Variants in ADCY3 observed in about 807,000 individuals in gnomAD.
ADCY3 encodes the protein adenylate cyclase type 3.
ADCY3 carries 70 observed loss-of-function variants against 119.4 expected under a neutral mutation model. The ratio of observed to expected loss-of-function variants is 0.59; its 90% CI spans 0.48 to 0.72. The LOEUF is 0.72. Ranked by LOEUF, ADCY3 falls within the 30% of genes least tolerant of loss-of-function variation. The pLI is 0.00. For missense variants in ADCY3, 1,238 were observed against 1,541.6 expected (o/e 0.80, Z 3.30); for synonymous variants, 672 against 621.4 (o/e 1.08, Z -1.21).
rs183257619 is a variant in ADCY3 at position 24,874,277 on chromosome 2, C to T, written c.676-1558G>A. Among the ~76,000 whole-genome samples the T allele has an allele frequency of 3.4e-3, 516 of 151,896 alleles. 2 individuals carry two copies. The highest frequency in any genetic ancestry group is 0.012 in the African/African-American group (491 of 41,390). On this transcript the variant is annotated intron_variant, in intron 2 of 21. Coordinates refer to ENST00000679454, the MANE Select transcript of ADCY3 (RefSeq NM_004036.5). ...GGTGTAGATTCCCAAGCTCTGCTGG[C>T]GTCTGGTTCCAGCTTGTAATGACCT... is the stretch of plus-strand genomic sequence containing the variant.
intron 16 of ADCY3, among the ~76,000 whole-genome samples, chr2:24,825,279 T>C (rs967688314): frequency 1.3e-5 from 2 of 149,978 alleles, no homozygotes; most frequent in African/African-American, 4.9e-5. Context: ...GATCTTTCTC[T>C]TCCCTCTCTT....
intron 3 of ADCY3, among the ~76,000 whole-genome samples, chr2:24,843,650 C>T (rs914582504): frequency 2.0e-5 from 3 of 152,192 alleles, no homozygotes; most frequent in East Asian, 1.9e-4. Flanking sequence ...GTGGCTTGGG[C>T]GGTGCCGGTC....
rs1558528929 is a variant in ADCY3 at position 24,912,586 on chromosome 2, CATGTGTGTGT to C, written c.675+5717_675+5726del. Among the ~76,000 whole-genome samples the C allele has an allele frequency of 1.4e-4, 14 of 102,016 alleles. 1 individual carries two copies. Among genetic ancestry groups the C allele is most frequent in the Admixed American group, 2.8e-4 (3 of 10,822 alleles). 66.9% of individuals were successfully genotyped at this position (102,016 alleles called of 152,430 possible). A position where few individuals can be genotyped will look rare whatever the true frequency, so the allele number is the denominator to read the frequency against. On this transcript the variant is annotated intron_variant, in intron 2 of 21. Transcript: ENST00000679454. The stretch of plus-strand genomic sequence containing the variant: ...GTGTGTGCATGTGTGTGTGTGTGTG[CATGTGTGTGT>C]GTGTGTGCATGTGTGTGTGTGTGTG...
chr2:24,821,350 AGTC>A, intron 20 of ADCY3, 164 bp downstream of exon 20: 2 of 978,302 alleles, frequency 2.0e-6, no homozygotes, highest in Admixed American at 2.5e-5. Flanking sequence ...AGTCATCTAG[AGTC>A]GTCTGGACTA....
At chr2:24,888,336 T>G (rs925321370) in intron 2 of ADCY3, among the ~76,000 whole-genome samples, 1 of 152,226 alleles carries the variant, frequency 6.6e-6, no homozygotes, top group Admixed American at 6.5e-5. Context: ...GCCACCCAGC[T>G]GGACGGCTCA....
chr2:24,903,698 G>C (rs1242485260), intron 2 of ADCY3, among the ~76,000 whole-genome samples: 3 of 152,178 alleles, frequency 2.0e-5, no homozygotes, highest in African/African-American at 7.2e-5. Flanking sequence ...GGGGCGGGGA[G>C]GAATGGGAGC....
rs1670590833 is a variant in ADCY3, at chr2:24,838,529, T to C, written c.1449A>G (p.Glu483=). ...GDGGSRCDYL[E]EKGIETYLII... ...TGAGGTAGGTTTCAATACCCTTCTC[T>C]TCTAGGTAATCACAGCGGCTGCCCC... The change falls in exon 8 of 22, where the codon GAA becomes GAG. Residue 483 remains glutamate, a synonymous_variant. Transcript: ENST00000679454. 1.2e-6 allele frequency: 2 copies of C among 1,614,138 alleles called. No individual in the cohort carries two copies. The highest frequency in any genetic ancestry group is 1.7e-6 in the Non-Finnish European group (2 of 1,180,022).
chr2:24,866,725 C>A (rs35177510), intron 3 of ADCY3, among the ~76,000 whole-genome samples: 77,167 of 151,832 alleles, frequency 0.51, 21,793 homozygotes, highest in African/African-American at 0.77. Context: ...AGGAATACAT[C>A]GTTAGGGACC....
chr2:24,842,551 G>T lies in ADCY3; in HGVS notation c.826-167C>A. On this transcript the variant is annotated intron_variant, in intron 3 of 21. Transcript: ENST00000679454. The surrounding 1 kb of genome is among the most constrained non-coding windows in gnomAD (Gnocchi z 4.9). Reference sequence around the variant, plus strand: ...TGCCTCGGGAGCAGCCAGGGGTCTGGGACAGGCAGCTTCTGGCCCTGACAA... The same window carrying T: ...TGCCTCGGGAGCAGCCAGGGGTCTGTGACAGGCAGCTTCTGGCCCTGACAA... The T allele has an allele frequency of 2.3e-6, 2 of 864,470 alleles. No homozygotes were observed. The highest frequency in any genetic ancestry group is 3.5e-6 in the Non-Finnish European group (2 of 575,622). The allele number at this position is 864,470 out of a possible 1,614,324, so 53.5% of individuals were successfully genotyped here.
At chr2:24,902,026 T>C (rs1678959464) in intron 2 of ADCY3, among the ~76,000 whole-genome samples, 1 of 148,718 alleles carries the variant, frequency 6.7e-6, no homozygotes. Context: ...ATGGCACACA[T>C]TTTAACTCTG....
At chr2:24,881,424 C>G (rs1334959424) in intron 2 of ADCY3, among the ~76,000 whole-genome samples, 1 of 152,198 alleles carries the variant, frequency 6.6e-6, no homozygotes, top group African/African-American at 2.4e-5. Flanking sequence ...AAGTGAATGC[C>G]AAGCAAGATC....
chr2:24,903,184 TGACTGTG>T, intron 2 of ADCY3, among the ~76,000 whole-genome samples: 1 of 151,992 alleles, frequency 6.6e-6, no homozygotes, highest in Middle Eastern at 3.4e-3. Context: ...ACATGGATGT[TGACTGTG>T]TGGGGGGCAG....
chr2:24,866,188 C>A (rs1674268940), intron 3 of ADCY3, among the ~76,000 whole-genome samples: 1 of 152,150 alleles, frequency 6.6e-6, no homozygotes, highest in African/African-American at 2.4e-5. Flanking sequence ...TCAGGTAAGA[C>A]CCCTGAGAAG....
Position 24,838,621 on chromosome 2 carries a change from G to T in ADCY3, c.1357C>A (p.Arg453Ser). The T allele has an allele frequency of 1.2e-6, 2 of 1,613,686 alleles. No individual in the cohort carries two copies. The highest frequency in any genetic ancestry group is 1.7e-6 in the Non-Finnish European group (2 of 1,180,006). The change falls in exon 8 of 22, where the codon CGC becomes AGC. Residue 453 changes from arginine (R) to serine (S), a missense_variant and splice_region_variant. Physicochemically the swap from Arg to Ser is moderately radical, Grantham distance 110 (BLOSUM62 -1). Transcript: ENST00000679454. Reference sequence around the variant, plus strand: ...ATGGTGCTCTGGGAGATGTGCACGCGCCTGGATTGCAGAGAGAGAGGCCCT... The same window carrying T: ...ATGGTGCTCTGGGAGATGTGCACGCTCCTGGATTGCAGAGAGAGAGGCCCT... ...NKMEAGGIPGRVHISQSTMDC... is the reference protein window; with the variant it reads ...NKMEAGGIPGSVHISQSTMDC...
intron 3 of ADCY3, among the ~76,000 whole-genome samples, chr2:24,855,723 G>C (rs1672915727): frequency 6.6e-6 from 1 of 152,334 alleles, no homozygotes; most frequent in South Asian, 2.1e-4. Flanking sequence ...CCAGATCCTG[G>C]GAAGAAGCAC....
intron 3 of ADCY3, among the ~76,000 whole-genome samples, chr2:24,868,504 A>G (rs1674583682): frequency 6.6e-6 from 1 of 151,986 alleles, no homozygotes; most frequent in South Asian, 2.1e-4. Context: ...ACAAAAAATT[A>G]GCCGGGCGTG....
At chr2:24,820,143 G>A in intron 21 of ADCY3, 29 bp from the exon 22 acceptor site, 2 of 1,519,184 alleles carry the variant, frequency 1.3e-6, no homozygotes, top group Non-Finnish European at 1.8e-6. Context: ...CAAGAACGTG[G>A]CGTTACGGGG....
At chr2:24,854,407 G>A (rs1672763747) in intron 3 of ADCY3, among the ~76,000 whole-genome samples, 1 of 152,176 alleles carries the variant, frequency 6.6e-6, no homozygotes, top group Non-Finnish European at 1.5e-5. Context: ...CCCATGCCCT[G>A]GGCAGGTACT....
chr2:24,885,907 A>G (rs1676968192), intron 2 of ADCY3, among the ~76,000 whole-genome samples: 1 of 152,126 alleles, frequency 6.6e-6, no homozygotes, highest in African/African-American at 2.4e-5. Context: ...CGTCCTCAGC[A>G]TGTCACCAAC....
Sources: gnomAD v4.1 joint callset for allele counts (sites outside exome capture counted in the v4.1 genomes callset) on GRCh38, gnomAD v4.1.1 for gene constraint, Gnocchi (gnomAD v3.1) non-coding constraint, MANE v1.5 for transcripts, NCBI Gene and HGNC (gene_info 2026-07-23, HGNC 2026-07-21) for gene names.